Variants in CEP164 observed in about 807,000 individuals in gnomAD.
CEP164 encodes centrosomal protein 164.
CEP164 carries 162 observed loss-of-function variants against 182.7 expected under a neutral mutation model. The observed-to-expected ratio is 0.89, with a 90% CI of 0.78 to 1.01. The LOEUF (loss-of-function observed/expected upper bound fraction) is 1.01, where lower values mean the gene tolerates loss of function less well. Among genes scored for constraint, CEP164 ranks in the 50% least tolerant of loss-of-function variants. The probability of loss-of-function intolerance (pLI) is 0.00; values close to 1 mark genes in which losing one functional copy is unlikely to be tolerated. For synonymous variants in CEP164, 661 were observed against 690.0 expected (o/e 0.96, Z 0.66); for missense variants, 1,735 against 1,790.4 (o/e 0.97, Z 0.56).
chr11:117,410,717 C>G (rs1443616461), intron 30 of CEP164, 111 bp from the exon 31 acceptor site: 1 of 796,132 alleles, frequency 1.3e-6, no homozygotes, highest in Admixed American at 2.3e-5. Context: ...TCTCTGGCCT[C>G]CAGCCACTGA....
In CEP164 at chr11:117,407,945, G is replaced by A. The variant is rs2046900559; in HGVS notation, c.3522G>A (p.Glu1174=). 2 of 1,597,582 alleles carry A rather than the reference G, an allele frequency of 1.3e-6. No homozygotes were observed. The highest frequency in any genetic ancestry group is 2.2e-5 in the East Asian group (1 of 44,460). Residue 1174 remains glutamate (E), a synonymous_variant, in exon 28 of 33, where the codon GAG becomes GAA. Transcript: ENST00000278935. ...TGCAGGAGACCAGGCACCTGGATGAGATGAAGTCGGCCATGCGGAAAGGCC... is the reference window on the plus strand; with the variant it reads ...TGCAGGAGACCAGGCACCTGGATGAAATGAAGTCGGCCATGCGGAAAGGCC... ...NLEKETRHLD[E]MKSAMRKGHN... is the part of the protein sequence containing the mutation.
chr11:117,336,412 G>A (rs752425647), intron 2 of CEP164: 38 of 1,392,194 alleles, frequency 2.7e-5, no homozygotes, highest in Non-Finnish European at 3.5e-5. Flanking sequence ...GTGGGGACCC[G>A]AGGATTGGCA....
chr11:117,339,645 C>T (rs2037802710), intron 3 of CEP164, among the ~76,000 whole-genome samples: 1 of 147,574 alleles, frequency 6.8e-6, no homozygotes, highest in Non-Finnish European at 1.5e-5. Flanking sequence ...TCTCATGCCT[C>T]AGCCTCCTGA....
intron 1 of CEP164, among the ~76,000 whole-genome samples, chr11:117,322,414 C>T (rs2035277414): frequency 6.6e-6 from 1 of 152,114 alleles, no homozygotes; most frequent in Non-Finnish European, 1.5e-5. Flanking sequence ...GCGCCCGGCC[C>T]ACATTATGCA....
chr11:117,381,980 G>A, intron 13 of CEP164, 112 bp downstream of exon 13: 1 of 932,508 alleles, frequency 1.1e-6, no homozygotes, highest in Non-Finnish European at 1.5e-6. Flanking sequence ...GCTTGGGGAG[G>A]GAGTGGGGAG....
rs1473867327 is a variant in CEP164, at chr11:117,327,860, C to T, written c.-142C>T. Reference sequence around the variant, plus strand: ...ACCTTTTCCGGAAGTGTTTGTTGCGCGCTGCAGGGCAACACCCCGGCGTCC... The same window carrying T: ...ACCTTTTCCGGAAGTGTTTGTTGCGTGCTGCAGGGCAACACCCCGGCGTCC... On this transcript the variant is annotated 5_prime_UTR_variant, in exon 1 of 33. Coordinates refer to ENST00000278935, the MANE Select transcript of CEP164 (RefSeq NM_014956.5). 1 of 152,206 alleles carries T rather than the reference C, an allele frequency of 6.6e-6. No homozygotes were observed. The highest frequency in any genetic ancestry group is 1.5e-5 in the Non-Finnish European group (1 of 68,056). 9.4% of individuals were successfully genotyped at this position (152,206 alleles called of 1,614,324 possible). A position where few individuals can be genotyped will look rare whatever the true frequency, so the allele number is the denominator to read the frequency against.
intron 10 of CEP164, among the ~76,000 whole-genome samples, chr11:117,374,130 GTGTGAGTTGCCTGTGTGATCA>G (rs917304550): frequency 2.0e-5 from 3 of 152,030 alleles, no homozygotes; most frequent in Non-Finnish European, 4.4e-5. Flanking sequence ...TCTCACTATT[GTGTGAGTTGCCTGTGTGATCA>G]TGTGAGTTAC....
intron 19 of CEP164, 51 bp downstream of exon 19, chr11:117,392,678 T>G: frequency 6.3e-7 from 1 of 1,591,918 alleles, no homozygotes; most frequent in Non-Finnish European, 8.6e-7. Flanking sequence ...GTGGACTCTC[T>G]TACAGTCAGC....
chr11:117,331,428 A>C (rs568311953), intron 1 of CEP164, among the ~76,000 whole-genome samples: 1 of 76,556 alleles, frequency 1.3e-5, no homozygotes, highest in East Asian at 4.1e-4. Flanking sequence ...AAATTTGTGT[A>C]ACTTTTCTGT....
chr11:117,394,317 A>G lies in CEP164; in HGVS notation c.2617-33A>G, dbSNP rs1190806596. ...TTTTTGTGGTAGAAGGGGCTGCCGC[A>G]GCTTCCCACCGGTGGGCCCACCCTC... On this transcript the variant is annotated intron_variant, in intron 20 of 32. Transcript: ENST00000278935. This position sits in a 1 kb window ranked among gnomAD's most constrained non-coding sequence, Gnocchi z 4.0. 2 of 1,567,924 alleles carry G rather than the reference A, an allele frequency of 1.3e-6. No individual in the cohort carries two copies. Among genetic ancestry groups the G allele is most frequent in the African/African-American group, 2.7e-5 (2 of 74,084 alleles).
At chr11:117,365,437 T>C (rs1324549137) in intron 8 of CEP164, among the ~76,000 whole-genome samples, 1 of 152,242 alleles carries the variant, frequency 6.6e-6, no homozygotes, top group Non-Finnish European at 1.5e-5. Context: ...TGGTCCCTGC[T>C]GTCAGCTGGT....
At chr11:117,383,582 T>C (rs2043593015) in intron 14 of CEP164, among the ~76,000 whole-genome samples, 1 of 152,260 alleles carries the variant, frequency 6.6e-6, no homozygotes, top group South Asian at 2.1e-4. Context: ...GATTCACCTA[T>C]GTTGTTGAAC....
At chr11:117,375,959 A>T (rs137937529) in intron 11 of CEP164, among the ~76,000 whole-genome samples, 168 bp downstream of exon 11, 2 of 152,270 alleles carry the variant, frequency 1.3e-5, no homozygotes, top group Non-Finnish European at 2.9e-5. Context: ...GCTTCTGACC[A>T]TTCCTGCATT....
chr11:117,344,530 T>C (rs1392400642), intron 4 of CEP164, among the ~76,000 whole-genome samples: 1 of 152,194 alleles, frequency 6.6e-6, no homozygotes, highest in Non-Finnish European at 1.5e-5. Context: ...TGGGTCTGGT[T>C]CTCTAGCACA....
chr11:117,344,049 A>C, intron 3 of CEP164, 117 bp from the exon 4 acceptor site: 1 of 630,380 alleles, frequency 1.6e-6, no homozygotes, highest in East Asian at 2.8e-5. Context: ...TATTGTTTAT[A>C]ATTTAAAGAA....
intron 5 of CEP164, among the ~76,000 whole-genome samples, chr11:117,352,785 C>A (rs2039819566): frequency 6.6e-6 from 1 of 152,140 alleles, no homozygotes; most frequent in South Asian, 2.1e-4. Flanking sequence ...TGGGGTTTCA[C>A]CATGTTGGCC....
chr11:117,342,242 GTC>G (rs1367325775), intron 3 of CEP164, among the ~76,000 whole-genome samples: 1 of 152,116 alleles, frequency 6.6e-6, no homozygotes, highest in East Asian at 1.9e-4. Flanking sequence ...GAATAAATTA[GTC>G]TCTGGCCAAT....
At chr11:117,398,586 T>G (rs949173857) in intron 27 of CEP164, among the ~76,000 whole-genome samples, 4 of 136,682 alleles carry the variant, frequency 2.9e-5, no homozygotes, top group Non-Finnish European at 5.0e-5. Flanking sequence ...TCCATACATC[T>G]TCTGAAATCT....
In CEP164 at chr11:117,391,580, A is replaced by G. The variant is rs974708875; in HGVS notation, c.2283+365A>G. On this transcript the variant is annotated intron_variant, in intron 17 of 32. Coordinates refer to ENST00000278935, the MANE Select transcript of CEP164 (RefSeq NM_014956.5). ...TCGTGACTGAAAGAGATTTAGCCAG[A>G]CCAGAGGTTTTGAGACAAAGGCGCT... 2.0e-5 allele frequency among the ~76,000 whole-genome samples: 3 copies of G among 152,008 alleles called. 1 individual carries two copies. Among genetic ancestry groups the G allele is most frequent in the African/African-American group, 7.3e-5 (3 of 41,366 alleles).
Sources: allele counts gnomAD v4.1 joint callset (sites outside exome capture counted in the v4.1 genomes callset), GRCh38; gene constraint gnomAD v4.1.1; non-coding constraint Gnocchi (gnomAD v3.1); transcripts MANE v1.5; gene names NCBI Gene and HGNC (gene_info 2026-07-23, HGNC 2026-07-21).